ARHGAP25: variants seen among roughly 807,000 people sequenced by gnomAD.
ARHGAP25 encodes the protein rho GTPase-activating protein 25.
ARHGAP25 carries 34 observed loss-of-function variants against 71.0 expected under a neutral mutation model. The observed-to-expected ratio is 0.48, with a 90% confidence interval of 0.36 to 0.64. The LOEUF is 0.64. Among genes scored for constraint, ARHGAP25 ranks in the 30% least tolerant of loss-of-function variants. The probability of loss-of-function intolerance (pLI) is 0.00; values close to 1 mark genes in which losing one functional copy is unlikely to be tolerated. For synonymous variants in ARHGAP25, 282 were observed against 296.5 expected (o/e 0.95, Z 0.50); for missense variants, 706 against 805.1 (o/e 0.88, Z 1.49).
intron 5 of ARHGAP25, among the ~76,000 whole-genome samples, chr2:68,811,522 C>A (rs979101123): frequency 2.0e-5 from 3 of 152,178 alleles, no homozygotes; most frequent in Admixed American, 6.5e-5. Flanking sequence ...AAGGATTTTC[C>A]AGAATCCCCA....
rs376721430 is a variant in ARHGAP25 at position 68,782,326 on chromosome 2, C to T, written c.349+6C>T. On this transcript the variant is annotated splice_donor_region_variant and intron_variant, in intron 3 of 10. Transcript: ENST00000409202. ...TGTCTTTGAAATCATTCCAGGTAGG[C>T]CACCACAGGTAGGACAGAGGTGCAG... is the stretch of plus-strand genomic sequence containing the variant. The T allele has an allele frequency of 5.6e-6, 9 of 1,613,540 alleles. No individual in the cohort carries two copies. In the African/African-American group the frequency reaches 1.1e-4, roughly 19 times the overall value.
chr2:68,812,768 C>T (rs913567204), intron 5 of ARHGAP25, among the ~76,000 whole-genome samples: 1 of 152,220 alleles, frequency 6.6e-6, no homozygotes, highest in Non-Finnish European at 1.5e-5. Context: ...AATCCCAGTG[C>T]TTGACAAGTA....
intron 4 of ARHGAP25, among the ~76,000 whole-genome samples, chr2:68,798,403 A>G (rs1247080074): frequency 6.6e-6 from 1 of 152,134 alleles, no homozygotes; most frequent in East Asian, 1.9e-4. Flanking sequence ...CTAACAACAG[A>G]CAGATACTTA....
intron 9 of ARHGAP25, chr2:68,819,706 C>G: frequency 5.6e-6 from 3 of 532,366 alleles, no homozygotes; most frequent in Non-Finnish European, 1.0e-5. Context: ...AACTGGTTTC[C>G]TGCTAACCCA....
At chr2:68,781,554 G>A (rs563327905) in intron 2 of ARHGAP25, among the ~76,000 whole-genome samples, 1 of 152,300 alleles carries the variant, frequency 6.6e-6, no homozygotes, top group East Asian at 1.9e-4. Context: ...GGGCTTGGTG[G>A]TGGGACCATT....
At chr2:68,750,563 C>T (rs1489623339) in intron 1 of ARHGAP25, among the ~76,000 whole-genome samples, 1 of 152,172 alleles carries the variant, frequency 6.6e-6, no homozygotes, top group African/African-American at 2.4e-5. Context: ...TCAGGTGATC[C>T]TCCCGCCTCG....
intron 2 of ARHGAP25, among the ~76,000 whole-genome samples, chr2:68,719,389 T>TATC (rs1432939367): frequency 3.0e-5 from 4 of 135,130 alleles, no homozygotes; most frequent in African/African-American, 1.1e-4. Context: ...AATTGAATTG[T>TATC]AGGACACCCA....
chr2:68,714,899 G>C (rs1364553856), intron 2 of ARHGAP25, among the ~76,000 whole-genome samples: 1 of 152,048 alleles, frequency 6.6e-6, no homozygotes, highest in Admixed American at 6.5e-5. Context: ...AAATACAATG[G>C]GTTCAGATGG....
intron 2 of ARHGAP25, chr2:68,775,908 TAAG>T (rs1159896284): frequency 3.2e-6 from 1 of 315,496 alleles, no homozygotes; most frequent in African/African-American, 2.2e-5. Context: ...ACATAACAAA[TAAG>T]AAAAGTATGT....
At chr2:68,822,218 T>C (rs971695770) in intron 9 of ARHGAP25, 122 bp from the exon 10 acceptor site, 1 of 947,772 alleles carries the variant, frequency 1.1e-6, no homozygotes, top group East Asian at 2.4e-5. Context: ...ATGTGATACA[T>C]TAAGAATTTC....
At chr2:68,800,181 A>G (rs1474325264) in intron 4 of ARHGAP25, among the ~76,000 whole-genome samples, 2 of 151,520 alleles carry the variant, frequency 1.3e-5, no homozygotes, top group East Asian at 3.9e-4. Context: ...CTGAGCGGGC[A>G]GGCACAGTGT....
chr2:68,735,196 C>T lies in ARHGAP25; in HGVS notation c.-4C>T, dbSNP rs746981138. On this transcript the variant is annotated 5_prime_UTR_variant, in exon 1 of 11. Transcript: ENST00000409202. ...ACTAACTACTCACTTAAACTGGAAG[C>T]AAAATGTCCCTAAAATTGCCAAGGA... 4 of 1,613,868 alleles carry T rather than the reference C, an allele frequency of 2.5e-6. No individual in the cohort carries two copies. The highest frequency in any genetic ancestry group is 2.5e-6 in the Non-Finnish European group (3 of 1,179,718).
At chr2:68,813,471 C>A in intron 6 of ARHGAP25, 52 bp downstream of exon 6, 1 of 1,585,246 alleles carries the variant, frequency 6.3e-7, no homozygotes, top group South Asian at 1.1e-5. Flanking sequence ...GATTGGTTTT[C>A]TGGACACTAA....
At chr2:68,802,633 T>C (rs1680066457) in intron 4 of ARHGAP25, among the ~76,000 whole-genome samples, 1 of 151,182 alleles carries the variant, frequency 6.6e-6, no homozygotes, top group African/African-American at 2.4e-5. Context: ...GATTTAGGGA[T>C]GGGATGATAG....
intron 2 of ARHGAP25, among the ~76,000 whole-genome samples, chr2:68,726,934 T>C (rs533497503): frequency 1.0e-3 from 152 of 152,358 alleles, no homozygotes; most frequent in African/African-American, 3.4e-3. Context: ...CCTTTCTGTT[T>C]TTTTTCCATA....
intron 3 of ARHGAP25, among the ~76,000 whole-genome samples, chr2:68,786,605 C>T (rs1437556661): frequency 6.6e-6 from 1 of 152,202 alleles, no homozygotes; most frequent in South Asian, 2.1e-4. Flanking sequence ...TCTCAGGATA[C>T]TCTCAATGCC....
chr2:68,724,797 C>T (rs1192799625), intron 2 of ARHGAP25, among the ~76,000 whole-genome samples: 1 of 152,188 alleles, frequency 6.6e-6, no homozygotes, highest in Non-Finnish European at 1.5e-5. Context: ...TCCATTTTCT[C>T]AGGCCGTGCT....
At chr2:68,740,454 A>T (rs1233218530) in intron 1 of ARHGAP25, among the ~76,000 whole-genome samples, 1 of 152,002 alleles carries the variant, frequency 6.6e-6, no homozygotes, top group Non-Finnish European at 1.5e-5. Context: ...CCTGCTGCAC[A>T]CTGGAGACTT....
At chr2:68,746,386 C>T (rs1675813610) in intron 1 of ARHGAP25, among the ~76,000 whole-genome samples, 2 of 152,150 alleles carry the variant, frequency 1.3e-5, no homozygotes, top group African/African-American at 4.8e-5. Flanking sequence ...TTTCTTGCTC[C>T]ATCTGTACTC....
Sources: gnomAD v4.1 joint callset for allele counts (sites outside exome capture counted in the v4.1 genomes callset) on GRCh38, gnomAD v4.1.1 for gene constraint, MANE v1.5 for transcripts, NCBI Gene and HGNC (gene_info 2026-07-23, HGNC 2026-07-21) for gene names.